Variants in SAMD15 observed in about 807,000 individuals in gnomAD.
The protein encoded by SAMD15 is sterile alpha motif domain containing 15, also known as sterile alpha motif domain-containing protein 15.
In SAMD15, 37 loss-of-function variants were observed where a neutral mutation model predicts 50.5. That is an observed-to-expected ratio of 0.73 (90% confidence interval 0.56 to 0.96). The LOEUF (loss-of-function observed/expected upper bound fraction) is 0.96, where lower values mean the gene tolerates loss of function less well. SAMD15 is among the 40% of genes least tolerant of loss of function. The probability of loss-of-function intolerance (pLI) is 0.00; values close to 1 mark genes in which losing one functional copy is unlikely to be tolerated. For missense variants in SAMD15, 789 were observed against 783.8 expected (o/e 1.01, Z -0.08); for synonymous variants, 255 against 282.8 (o/e 0.90, Z 0.99).
intron 2 of SAMD15, among the ~76,000 whole-genome samples, chr14:77,388,864 C>G (rs1306144008): frequency 6.6e-6 from 1 of 152,124 alleles, no homozygotes; most frequent in East Asian, 1.9e-4. Context: ...CTGCCTCGGC[C>G]TCCCAGAGAC....
Position 77,378,902 on chromosome 14 carries a change from C to T in SAMD15, c.1484C>T (p.Ser495Leu). Residue 495 changes from serine to leucine, a missense_variant, in exon 1 of 3, where the codon TCA (serine) becomes TTA (leucine). Physicochemically the swap from Ser to Leu is moderately radical, Grantham distance 145. Transcript: ENST00000216471. ...LLNVSEECSY[S>L]DPSESQTELS... ...AATGTCAGTGAAGAATGCTCATACT[C>T]AGATCCCTCAGAGTCTCAGACAGAA... 1 of 1,613,962 alleles carries T rather than the reference C, an allele frequency of 6.2e-7. No homozygotes were observed. The highest frequency in any genetic ancestry group is 2.2e-5 in the East Asian group (1 of 44,876).
In SAMD15 at chr14:77,378,001, G is replaced by A; in HGVS notation, c.583G>A (p.Glu195Lys). 5 of 1,613,908 alleles carry A rather than the reference G, an allele frequency of 3.1e-6. No individual in the cohort carries two copies. Among genetic ancestry groups the A allele is most frequent in the South Asian group, 1.1e-5 (1 of 91,082 alleles). The change falls in exon 1 of 3, where the codon GAA becomes AAA. Residue 195 changes from glutamate to lysine, a missense_variant. Around this residue, in one of 2 missense-constraint regions of SAMD15, gnomAD observed 770 missense variants for 745.4 expected, o/e 1.03. Transcript: ENST00000216471. ...EEETEPGVPE[E>K]SLRVQHEETG... ...GGAGACTGAACCGGGGGTTCCAGAG[G>A]AATCACTTAGAGTGCAACATGAAGA...
At position 77,391,569 on chromosome 14, in the gene SAMD15, C is replaced by T. The variant is rs1032539059; in HGVS notation, c.*325C>T. 1.0e-5 allele frequency: 2 copies of T among 196,894 alleles called. No individual in the cohort carries two copies. Among genetic ancestry groups the T allele is most frequent in the African/African-American group, 2.3e-5 (1 of 42,960 alleles). 12.2% of individuals were successfully genotyped at this position (196,894 alleles called of 1,614,324 possible). A position where few individuals can be genotyped will look rare whatever the true frequency, so the allele number is the denominator to read the frequency against. ...CTAACAGTTGATCTGCCCGCCGTGG[C>T]GTCCCAAAGTGCTGGGATTACAAGC... On this transcript the variant is annotated 3_prime_UTR_variant, in exon 3 of 3. Transcript: ENST00000216471.
intron 1 of SAMD15, 125 bp downstream of exon 1, chr14:77,379,232 G>A: frequency 1.1e-6 from 1 of 873,006 alleles, no homozygotes; most frequent in South Asian, 1.8e-5. Flanking sequence ...GACTGTGGTA[G>A]AGGTAACTTG....
intron 2 of SAMD15, among the ~76,000 whole-genome samples, chr14:77,383,556 C>T (rs1893969628): frequency 1.3e-5 from 2 of 152,184 alleles, no homozygotes; most frequent in Non-Finnish European, 2.9e-5. Flanking sequence ...CTTTGAGATA[C>T]TCATTATCAC....
At chr14:77,384,018 A>G (rs2139651128) in intron 2 of SAMD15, among the ~76,000 whole-genome samples, 1 of 151,020 alleles carries the variant, frequency 6.6e-6, no homozygotes, top group African/African-American at 2.4e-5. Context: ...ATTATGCTCT[A>G]AGACACAGGG....
chr14:77,388,667 G>A (rs961862664), intron 2 of SAMD15, among the ~76,000 whole-genome samples: 2 of 151,514 alleles, frequency 1.3e-5, no homozygotes, highest in Non-Finnish European at 2.9e-5. Flanking sequence ...GGAGTGCAGT[G>A]GTGCGATCTC....
chr14:77,378,842 A>T lies in SAMD15; in HGVS notation c.1424A>T (p.His475Leu). Reference sequence around the variant, plus strand: ...GAAAGTGAAGAATCAATTGGTACACATTATGAGTTTTTGCAACCACTCCAA... The same window carrying T: ...GAAAGTGAAGAATCAATTGGTACACTTTATGAGTTTTTGCAACCACTCCAA... ...LRESEESIGT[H>L]YEFLQPLQKL... Residue 475 changes from histidine to leucine, a missense_variant, in exon 1 of 3, where the codon CAT becomes CTT. Transcript: ENST00000216471. 1.2e-6 allele frequency: 2 copies of T among 1,614,060 alleles called. No individual in the cohort carries two copies. The highest frequency in any genetic ancestry group is 1.7e-6 in the Non-Finnish European group (2 of 1,179,970).
At chr14:77,384,714 G>C (rs745876184) in intron 2 of SAMD15, among the ~76,000 whole-genome samples, 90 of 152,096 alleles carry the variant, frequency 5.9e-4, no homozygotes, top group Non-Finnish European at 9.6e-4. Flanking sequence ...TTTATCAGAG[G>C]ATGGTATTTA....
intron 2 of SAMD15, among the ~76,000 whole-genome samples, chr14:77,384,035 C>G (rs1034532423): frequency 6.7e-6 from 1 of 148,274 alleles, no homozygotes; most frequent in Non-Finnish European, 1.5e-5. Context: ...AGGGTAACTT[C>G]TAGGAGGTCA....
At chr14:77,379,229 G>C (rs1893913627) in intron 1 of SAMD15, 122 bp downstream of exon 1, 2 of 902,634 alleles carry the variant, frequency 2.2e-6, no homozygotes, top group Non-Finnish European at 3.4e-6. Context: ...CTAGACTGTG[G>C]TAGAGGTAAC....
intron 2 of SAMD15, among the ~76,000 whole-genome samples, chr14:77,388,422 TG>T (rs1894032118): frequency 6.7e-6 from 1 of 149,922 alleles, no homozygotes; most frequent in Admixed American, 6.6e-5. Context: ...TGTGTGTGTG[TG>T]TGTGTTTGCT....
In SAMD15 at chr14:77,378,803, T is replaced by C. The variant is rs532629103; in HGVS notation, c.1385T>C (p.Leu462Ser). 1.2e-6 allele frequency: 2 copies of C among 1,613,110 alleles called. No individual in the cohort carries two copies. The highest frequency in any genetic ancestry group is 3.3e-5 in the Admixed American group (2 of 59,784). The change falls in exon 1 of 3, where the codon TTA becomes TCA. Residue 462 changes from leucine to serine, a missense_variant. Coordinates refer to ENST00000216471, the MANE Select transcript of SAMD15 (RefSeq NM_001010860.4). Reference protein sequence around the residue: ...SDKFRKEYYALGSLRESEESI... With the variant: ...SDKFRKEYYASGSLRESEESI... The stretch of plus-strand genomic sequence containing the variant: ...AAATTTAGAAAAGAATATTACGCAT[T>C]AGGATCTCTCAGAGAAAGTGAAGAA...
intron 2 of SAMD15, among the ~76,000 whole-genome samples, chr14:77,385,745 T>C (rs1893997672): frequency 6.6e-6 from 1 of 152,124 alleles, no homozygotes; most frequent in Admixed American, 6.6e-5. Context: ...AAGTTACAGG[T>C]CAGCACCTTT....
In SAMD15 at chr14:77,391,341, T is replaced by TA; in HGVS notation, c.*97_*98insA. On this transcript the variant is annotated 3_prime_UTR_variant, in exon 3 of 3. Transcript: ENST00000216471. ...TTTTCTTTTTCTCCTTTTTTTTTTT[T>TA]TTATTTTTTTGAGACAGAGTCTTGC... The TA allele has an allele frequency of 1.2e-6, 1 of 819,184 alleles. No homozygotes were observed. The highest frequency in any genetic ancestry group is 1.9e-6 in the Non-Finnish European group (1 of 516,828). The allele number at this position is 819,184 out of a possible 1,614,324, so 50.7% of individuals were successfully genotyped here.
intron 1 of SAMD15, 117 bp downstream of exon 1, chr14:77,379,224 C>A: frequency 1.0e-6 from 1 of 953,572 alleles, no homozygotes; most frequent in Non-Finnish European, 1.6e-6. Context: ...AAGTCCTAGA[C>A]TGTGGTAGAG....
intron 2 of SAMD15, among the ~76,000 whole-genome samples, chr14:77,381,366 C>T (rs555574626): frequency 4.6e-5 from 7 of 152,298 alleles, no homozygotes. Context: ...CAAAGCATCA[C>T]AAACAATCTC....
At chr14:77,388,979 T>C (rs2139653470) in intron 2 of SAMD15, among the ~76,000 whole-genome samples, 1 of 152,230 alleles carries the variant, frequency 6.6e-6, no homozygotes, top group South Asian at 2.1e-4. Context: ...CTCAGGAGGC[T>C]GAGGCAGGAG....
chr14:77,386,960 C>G (rs1352008183), intron 2 of SAMD15, among the ~76,000 whole-genome samples: 1 of 152,126 alleles, frequency 6.6e-6, no homozygotes, highest in Non-Finnish European at 1.5e-5. Flanking sequence ...GGTGTTCTGC[C>G]GTGATGCCAC....
Sources: gnomAD v4.1 joint callset for allele counts (sites outside exome capture counted in the v4.1 genomes callset) on GRCh38, gnomAD v4.1.1 for gene constraint, gnomAD v4.1.1 regional missense constraint, MANE v1.5 for transcripts, NCBI Gene and HGNC (gene_info 2026-07-23, HGNC 2026-07-21) for gene names.